Variants in METTL4 observed in about 807,000 individuals in gnomAD.
METTL4 encodes methyltransferase 4, N6-adenosine.
Under a neutral mutation model 54.0 loss-of-function variants are expected in METTL4, and 40 were observed. That is an observed-to-expected ratio of 0.74 (90% CI 0.58 to 0.96). The LOEUF is 0.96. Ranked by LOEUF, METTL4 falls within the 50% of genes least tolerant of loss-of-function variation. The probability of loss-of-function intolerance (pLI) is 0.00; values close to 1 mark genes in which losing one functional copy is unlikely to be tolerated. For missense variants in METTL4, 525 were observed against 549.0 expected, an observed-to-expected ratio of 0.96 and a Z score of 0.44; for synonymous variants, 169 against 183.8, an observed-to-expected ratio of 0.92 and a Z score of 0.65.
intron 3 of METTL4, among the ~76,000 whole-genome samples, chr18:2,560,574 T>C (rs895216379): frequency 6.6e-6 from 1 of 152,152 alleles, no homozygotes; most frequent in Non-Finnish European, 1.5e-5. Context: ...AAATAAAACA[T>C]TAGCAAATAA....
intron 3 of METTL4, among the ~76,000 whole-genome samples, chr18:2,562,378 A>T (rs2072335103): frequency 1.3e-5 from 2 of 152,174 alleles, no homozygotes; most frequent in Non-Finnish European, 2.9e-5. Context: ...GTCTCAAAAG[A>T]AAAAATGAAA....
chr18:2,540,645 G>A (rs1215478893), intron 8 of METTL4: 1 of 985,228 alleles, frequency 1.0e-6, no homozygotes, highest in African/African-American at 1.7e-5. Flanking sequence ...TTTCCTAAGT[G>A]CATAAATTAA....
At chr18:2,549,470 A>T (rs1332197874) in intron 5 of METTL4, among the ~76,000 whole-genome samples, 1 of 152,126 alleles carries the variant, frequency 6.6e-6, no homozygotes, top group Non-Finnish European at 1.5e-5. Flanking sequence ...AAATTCCCTC[A>T]ATTCCATCAC....
Position 2,554,939 on chromosome 18 carries a change from T to G in METTL4, c.559A>C (p.Lys187Gln). The G allele has an allele frequency of 2.5e-6, 4 of 1,614,146 alleles. No homozygotes were observed. The highest frequency in any genetic ancestry group is 3.4e-6 in the Non-Finnish European group (4 of 1,179,970). The change falls in exon 4 of 9, where the codon AAG (lysine) becomes CAG (glutamine). Residue 187 changes from lysine (K) to glutamine (Q), a missense_variant. Transcript: ENST00000574538. ...GCGTCAAGTGGTAAAGTAATGGGCT[T>G]ACTACCCTTGTCCTGTTTTTCAAAA... The part of the protein sequence containing the change: ...PLFEKQDKGS[K>Q]PITLPLDACS...
rs2071950919 is a variant in METTL4, at chr18:2,538,956, G to A, written c.*44C>T. ...ATGACTTAGAATTAAGGGAAAAGTG[G>A]TGAGGAAACAATGAAGAAACCACTA... is the stretch of plus-strand genomic sequence containing the variant. On this transcript the variant is annotated 3_prime_UTR_variant, in exon 9 of 9. Transcript: ENST00000574538. 6.3e-7 allele frequency: 1 copy of A among 1,580,084 alleles called. No individual in the cohort carries two copies. The highest frequency in any genetic ancestry group is 8.6e-7 in the Non-Finnish European group (1 of 1,160,488).
intron 1 of METTL4, among the ~76,000 whole-genome samples, chr18:2,570,931 G>GT (rs1441116987): frequency 6.6e-6 from 1 of 152,172 alleles, no homozygotes; most frequent in Non-Finnish European, 1.5e-5. Flanking sequence ...TGTTACTGTT[G>GT]TTAGTGCACC....
At position 2,554,660 on chromosome 18, in the gene METTL4, A is replaced by T; in HGVS notation, c.829+9T>A. On this transcript the variant is annotated intron_variant, in intron 4 of 8. Transcript: ENST00000574538. ...TCTTTTTCTAATAACAAACACAATA[A>T]TTACTTACAGTTTAGAAGTGGTTGC... The T allele has an allele frequency of 1.3e-6, 2 of 1,583,792 alleles. No individual in the cohort carries two copies. Among genetic ancestry groups the T allele is most frequent in the Non-Finnish European group, 1.7e-6 (2 of 1,172,804 alleles).
At chr18:2,550,015 A>AAAAT (rs1222329951) in intron 5 of METTL4, among the ~76,000 whole-genome samples, 3 of 151,684 alleles carry the variant, frequency 2.0e-5, no homozygotes, top group African/African-American at 7.3e-5. Flanking sequence ...AAATAAAATA[A>AAAAT]AAATAAATAA....
Position 2,567,065 on chromosome 18 carries a change from T to A in METTL4, c.152A>T (p.Asp51Val), listed in dbSNP as rs1370412773. 1 of 1,614,164 alleles carries A rather than the reference T, an allele frequency of 6.2e-7. No individual in the cohort carries two copies. The highest frequency in any genetic ancestry group is 8.5e-7 in the Non-Finnish European group (1 of 1,180,020). ...ACAGACTCCAGAGGAGGACACAGAATCCATTTGAAGAGACTCAAAGTGAAC... is the reference window on the plus strand; with the variant it reads ...ACAGACTCCAGAGGAGGACACAGAAACCATTTGAAGAGACTCAAAGTGAAC... ...TSVHFESLQM[D>V]SVSSSGVCAA... The change falls in exon 2 of 9, where the codon GAT becomes GTT. Residue 51 changes from aspartate to valine, a missense_variant. Asp to Val is a radical substitution (Grantham distance 152). Coordinates refer to ENST00000574538, the MANE Select transcript of METTL4 (RefSeq NM_022840.5).
chr18:2,555,466 G>A (rs971225334), intron 3 of METTL4: 8 of 170,160 alleles, frequency 4.7e-5, no homozygotes, highest in African/African-American at 1.9e-4. Context: ...AATAGAGGTT[G>A]AGTGGTAGCA....
At chr18:2,539,864 G>T in intron 8 of METTL4, 5 of 644,470 alleles carry the variant, frequency 7.8e-6, no homozygotes, top group Non-Finnish European at 9.4e-6. Flanking sequence ...AAAAAAAAAA[G>T]ACAAAAGTCT....
intron 7 of METTL4, 87 bp downstream of exon 7, chr18:2,544,566 C>G: frequency 3.4e-6 from 3 of 893,932 alleles, no homozygotes; most frequent in Non-Finnish European, 5.2e-6. Flanking sequence ...AAAACATAAA[C>G]ATTTTAAAAA....
Position 2,544,763 on chromosome 18 carries a change from A to AT in METTL4, c.1075-5dup. 6.3e-7 allele frequency: 1 copy of AT among 1,598,836 alleles called. No homozygotes were observed. ...CAAATTCTCCTGAATTGGTTATCTGATAGGAAGGAGCCAACAAAAGAGGGT... is the reference window on the plus strand; with the variant it reads ...CAAATTCTCCTGAATTGGTTATCTGATTAGGAAGGAGCCAACAAAAGAGGGT... On this transcript the variant is annotated splice_polypyrimidine_tract_variant and splice_region_variant and intron_variant, in intron 6 of 8. Coordinates refer to ENST00000574538, the MANE Select transcript of METTL4 (RefSeq NM_022840.5).
chr18:2,548,572 C>A (rs1235727785), intron 5 of METTL4, among the ~76,000 whole-genome samples: 1 of 152,204 alleles, frequency 6.6e-6, no homozygotes, highest in East Asian at 1.9e-4. Flanking sequence ...TTCAACTATT[C>A]TTCACCTAAA....
rs374207389 is a variant in METTL4, at chr18:2,566,660, G to A, written c.396+161C>T. 10 of 475,186 alleles carry A rather than the reference G, an allele frequency of 2.1e-5. No individual in the cohort carries two copies. In the South Asian group the frequency reaches 2.3e-4, roughly 11 times the overall value. 29.4% of individuals were successfully genotyped at this position (475,186 alleles called of 1,614,324 possible). ...ATTTGGTCTTCTAAGAATAGTTGAAGCTAGAAAAAAGCTACAAATTATTTC... is the reference window on the plus strand; with the variant it reads ...ATTTGGTCTTCTAAGAATAGTTGAAACTAGAAAAAAGCTACAAATTATTTC... On this transcript the variant is annotated intron_variant, in intron 2 of 8. Coordinates refer to ENST00000574538, the MANE Select transcript of METTL4 (RefSeq NM_022840.5).
Position 2,554,687 on chromosome 18 carries a change from T to A in METTL4, c.811A>T (p.Met271Leu). 1 of 1,605,222 alleles carries A rather than the reference T, an allele frequency of 6.2e-7. No homozygotes were observed. The highest frequency in any genetic ancestry group is 8.5e-7 in the Non-Finnish European group (1 of 1,177,996). The change falls in exon 4 of 9, where the codon ATG becomes TTG. Residue 271 changes from methionine to leucine, a missense_variant. Transcript: ENST00000574538. ...TACTTACAGTTTAGAAGTGGTTGCA[T>A]ACAAGAAATGTCAGATAAAAGAAAA... ...SSFLLSDISC[M>L]QPLLNYRKTF...
intron 1 of METTL4, among the ~76,000 whole-genome samples, chr18:2,569,675 A>C (rs1383173259): frequency 6.6e-6 from 1 of 152,156 alleles, no homozygotes; most frequent in Non-Finnish European, 1.5e-5. Context: ...CAAAGCACAG[A>C]TCATAAGCCC....
intron 5 of METTL4, among the ~76,000 whole-genome samples, chr18:2,549,429 G>A (rs1598346006): frequency 1.3e-5 from 2 of 152,130 alleles, no homozygotes; most frequent in African/African-American, 4.8e-5. Context: ...GGGAGGAGAG[G>A]AGAAAGAAGA....
chr18:2,547,373 A>G lies in METTL4; in HGVS notation c.1056T>C (p.Ala352=). The part of the protein sequence containing the change: ...LYPSWSVEVV[A]EWHWVKITNS... ...AACTTACTTTTACCCAGTGCCACTC[A>G]GCAACTACCTCCACAGACCAAGAGG... Residue 352 remains alanine (A), a synonymous_variant, in exon 6 of 9, where the codon GCT becomes GCC. Transcript: ENST00000574538. 3 of 1,581,606 alleles carry G rather than the reference A, an allele frequency of 1.9e-6. No individual in the cohort carries two copies. The highest frequency in any genetic ancestry group is 4.5e-5 in the East Asian group (2 of 44,582).
Sources: allele counts gnomAD v4.1 joint callset (sites outside exome capture counted in the v4.1 genomes callset), GRCh38; gene constraint gnomAD v4.1.1; transcripts MANE v1.5; gene names NCBI Gene and HGNC (gene_info 2026-07-23, HGNC 2026-07-21).